The following CTXND2 variants were observed in gnomAD, a reference collection of about 807,000 sequenced individuals.
The protein encoded by CTXND2 is cortexin domain containing 2.
At chr1:150,899,886 A>C (rs1216366336) in intron 1 of CTXND2, among the ~76,000 whole-genome samples, 3 of 152,154 alleles carry the variant, frequency 2.0e-5, no homozygotes, top group Non-Finnish European at 4.4e-5. Flanking sequence ...TTTTCTGTCT[A>C]GCTAAAGGAT....
At chr1:150,888,275 G>A (rs954312034) in intron 1 of CTXND2, among the ~76,000 whole-genome samples, 7 of 150,042 alleles carry the variant, frequency 4.7e-5, no homozygotes, top group Admixed American at 3.3e-4. Context: ...GTGCAGTGGC[G>A]CGATCTTGGC....
intron 1 of CTXND2, among the ~76,000 whole-genome samples, chr1:150,891,476 G>A (rs954081526): frequency 7.2e-5 from 11 of 152,150 alleles, no homozygotes; most frequent in African/African-American, 2.4e-4. Context: ...GCCTCCCAAA[G>A]TGCTGGGATT....
intron 1 of CTXND2, among the ~76,000 whole-genome samples, chr1:150,890,025 T>C (rs1240358808): frequency 6.6e-6 from 1 of 152,090 alleles, no homozygotes; most frequent in African/African-American, 2.4e-5. Flanking sequence ...GTCCTTGCCC[T>C]GACTTTCAAG....
intron 1 of CTXND2, among the ~76,000 whole-genome samples, chr1:150,894,743 A>G (rs1668891651): frequency 6.6e-6 from 1 of 152,054 alleles, no homozygotes; most frequent in Admixed American, 6.6e-5. Context: ...ATCCTTAATA[A>G]TGCTTTTTGT....
chr1:150,900,652 CAAA>C (rs1669000856), intron 1 of CTXND2, among the ~76,000 whole-genome samples: 2 of 129,514 alleles, frequency 1.5e-5, no homozygotes, highest in Non-Finnish European at 3.4e-5. Context: ...TCTCAAAAAA[CAAA>C]CCAAAAAAAA....
At chr1:150,900,057 A>C (rs1306972168) in intron 1 of CTXND2, among the ~76,000 whole-genome samples, 1 of 152,210 alleles carries the variant, frequency 6.6e-6, no homozygotes, top group Non-Finnish European at 1.5e-5. Context: ...AAATAAGGGA[A>C]TAAAAGCTGG....
chr1:150,898,754 CAAAA>C (rs34434799), intron 1 of CTXND2, among the ~76,000 whole-genome samples: 26 of 81,202 alleles, frequency 3.2e-4, no homozygotes, highest in Admixed American at 1.1e-3. Context: ...GATTCTGACT[CAAAA>C]AAAAAAAAAA....
chr1:150,898,931 AAT>A (rs1418613132), intron 1 of CTXND2, among the ~76,000 whole-genome samples: 49 of 139,024 alleles, frequency 3.5e-4, no homozygotes, highest in Middle Eastern at 3.6e-3. Flanking sequence ...CAAAAAAAAA[AAT>A]ATATATATAT....
rs587617837 is a variant in CTXND2 at position 150,912,013 on chromosome 1, C to T, written c.-73-229C>T. On this transcript the variant is annotated intron_variant, in intron 1 of 1. Transcript: ENST00000636087. The stretch of plus-strand genomic sequence containing the variant: ...GCCCAACTGATTCCTAGGTTATATA[C>T]ATTTGCTCACGTTCTGCCTTGGAGT... Among the ~76,000 whole-genome samples, 10 of 152,298 alleles carry T rather than the reference C, an allele frequency of 6.6e-5. No individual in the cohort carries two copies. The East Asian group carries it at 1.5e-3, about 23-fold the overall frequency.
At chr1:150,910,561 C>T (rs2864882) in intron 1 of CTXND2, among the ~76,000 whole-genome samples, 66,492 of 151,600 alleles carry the variant, frequency 0.44, 15,241 homozygotes, top group African/African-American at 0.55. Context: ...CTTTCCTCAC[C>T]GAATTTTCTT....
chr1:150,890,105 T>C (rs1279005730), intron 1 of CTXND2, among the ~76,000 whole-genome samples: 3 of 152,136 alleles, frequency 2.0e-5, no homozygotes, highest in Non-Finnish European at 2.9e-5. Flanking sequence ...TTTGCATGCA[T>C]CTTGTATTCT....
At chr1:150,908,821 T>A (rs1161638029) in intron 1 of CTXND2, among the ~76,000 whole-genome samples, 1 of 151,216 alleles carries the variant, frequency 6.6e-6, no homozygotes, top group Non-Finnish European at 1.5e-5. Flanking sequence ...ACAAGGTATC[T>A]CCTTACTACC....
chr1:150,889,807 A>T (rs1380912496), intron 1 of CTXND2, among the ~76,000 whole-genome samples: 1 of 152,064 alleles, frequency 6.6e-6, no homozygotes, highest in African/African-American at 2.4e-5. Flanking sequence ...GATTCATATT[A>T]ATTCATTCAT....
chr1:150,900,553 C>A (rs1039644836), intron 1 of CTXND2, among the ~76,000 whole-genome samples: 1 of 152,120 alleles, frequency 6.6e-6, no homozygotes, highest in African/African-American at 2.4e-5. Flanking sequence ...GGGAAACAGG[C>A]TGGAGAATCA....
chr1:150,897,489 AACTTTTGTAT>A (rs2102596490), intron 1 of CTXND2, among the ~76,000 whole-genome samples: 1 of 152,214 alleles, frequency 6.6e-6, no homozygotes, highest in Admixed American at 6.5e-5. Flanking sequence ...CACACCGGCT[AACTTTTGTAT>A]GGTTTGTAGA....
intron 1 of CTXND2, among the ~76,000 whole-genome samples, chr1:150,888,415 C>T (rs11801851): frequency 0.012 from 1,836 of 151,770 alleles, 27 homozygotes; most frequent in Non-Finnish European, 0.018. Context: ...AGGGTTTCAC[C>T]ATGTTGGCCA....
At chr1:150,898,632 T>C (rs1668944550) in intron 1 of CTXND2, among the ~76,000 whole-genome samples, 2 of 151,104 alleles carry the variant, frequency 1.3e-5, no homozygotes, top group Admixed American at 1.3e-4. Context: ...GGTGCCCGCC[T>C]GTAGTCCCAG....
At chr1:150,896,305 T>C (rs587599810) in intron 1 of CTXND2, among the ~76,000 whole-genome samples, 1 of 152,328 alleles carries the variant, frequency 6.6e-6, no homozygotes, top group South Asian at 2.1e-4. Flanking sequence ...GATTCAGCCA[T>C]AGCTAAAGGT....
chr1:150,903,535 C>T (rs1669080228), intron 1 of CTXND2, among the ~76,000 whole-genome samples: 1 of 152,068 alleles, frequency 6.6e-6, no homozygotes, highest in Non-Finnish European at 1.5e-5. Context: ...CATGGTGGCT[C>T]ACGCCTGTAA....
Sources: gnomAD v4.1 joint callset for allele counts (sites outside exome capture counted in the v4.1 genomes callset) on GRCh38, gnomAD v4.1.1 for gene constraint, MANE v1.5 for transcripts, NCBI Gene and HGNC (gene_info 2026-07-23, HGNC 2026-07-21) for gene names.